The following ZNF708 variants were observed in gnomAD, a reference collection of about 807,000 sequenced individuals.
The protein encoded by ZNF708 is ZNF15, ZNF15L1.
In ZNF708, 44 loss-of-function variants were observed where a neutral mutation model predicts 47.0. That is an observed-to-expected ratio of 0.94 (90% confidence interval 0.74 to 1.20). ZNF708 has a LOEUF of 1.20. Ranked by LOEUF, ZNF708 falls within the 50% of genes most tolerant of loss-of-function variation. The pLI, the probability that ZNF708 is intolerant of heterozygous loss-of-function variation, is 0.00. For missense variants in ZNF708, 557 were observed against 656.0 expected (o/e 0.85, Z 1.65); for synonymous variants, 184 against 218.5 (o/e 0.84, Z 1.39).
intron 1 of ZNF708, among the ~76,000 whole-genome samples, chr19:21,328,997 A>C (rs1973317432): frequency 6.6e-6 from 1 of 152,196 alleles, no homozygotes. Context: ...GGGCACAGTC[A>C]CTGCGCAGGG....
At position 21,315,320 on chromosome 19, in the gene ZNF708, G is replaced by A. The variant is rs149834297; in HGVS notation, c.4-4693C>T. Among the ~76,000 whole-genome samples, 16 of 152,216 alleles carry A rather than the reference G, an allele frequency of 1.1e-4. 1 individual carries two copies. Among genetic ancestry groups the A allele is most frequent in the Admixed American group, 9.2e-4 (14 of 15,284 alleles). ...ACAGTGCAGAAAATGCCTTCTATTG[G>A]TTTTCAGTACATTCCCAATTCAAAG... is the stretch of plus-strand genomic sequence containing the variant. On this transcript the variant is annotated intron_variant, in intron 1 of 3. Transcript: ENST00000356929.
chr19:21,307,163 A>T (rs199825579), intron 3 of ZNF708, among the ~76,000 whole-genome samples: 2 of 94,718 alleles, frequency 2.1e-5, no homozygotes, highest in Non-Finnish European at 4.6e-5. Flanking sequence ...TATAATATAA[A>T]ATAAAATAAA....
At chr19:21,315,145 T>G (rs1254613330) in intron 1 of ZNF708, among the ~76,000 whole-genome samples, 2 of 152,230 alleles carry the variant, frequency 1.3e-5, no homozygotes, top group African/African-American at 4.8e-5. Flanking sequence ...TTTATTTATA[T>G]TTACAGAATT....
chr19:21,321,703 GA>G (rs1331375780), intron 1 of ZNF708, among the ~76,000 whole-genome samples: 20 of 145,132 alleles, frequency 1.4e-4, no homozygotes, highest in Admixed American at 1.4e-4. Flanking sequence ...AAGAAAGAAA[GA>G]AAGGAAGGAA....
intron 3 of ZNF708, among the ~76,000 whole-genome samples, chr19:21,300,803 G>C (rs1314616513): frequency 6.6e-6 from 1 of 151,816 alleles, no homozygotes; most frequent in African/African-American, 2.4e-5. Context: ...TGAGACTACA[G>C]GCACCCACCA....
Position 21,293,706 on chromosome 19 carries a change from G to A in ZNF708, c.1260C>T (p.Tyr420=), listed in dbSNP as rs1438851206. Residue 420 remains tyrosine (Y), a synonymous_variant, in exon 4 of 4, where the codon TAC becomes TAT. Coordinates refer to ENST00000356929, the MANE Select transcript of ZNF708 (RefSeq NM_021269.3). ...HKVIHTGKKP[Y]KCEECGKAFS... ...AGGCTTTACCACATTCTTCACATTT[G>A]TAGGGTTTCTTTCCAGTATGAATTA... The A allele has an allele frequency of 6.2e-7, 1 of 1,613,026 alleles. No individual in the cohort carries two copies. The highest frequency in any genetic ancestry group is 1.3e-5 in the African/African-American group (1 of 74,846).
chr19:21,316,133 C>CTTTT lies in ZNF708; in HGVS notation c.4-5510_4-5507dup, dbSNP rs544312163. On this transcript the variant is annotated intron_variant, in intron 1 of 3. Transcript: ENST00000356929. The stretch of plus-strand genomic sequence containing the variant: ...TTTCTTTTCTTTTCTTTTCTTTTTT[C>CTTTT]TTTTTTTTTTTTTTTTTGAGACAGG... Among the ~76,000 whole-genome samples, 14 of 105,502 alleles carry CTTTT rather than the reference C, an allele frequency of 1.3e-4. 1 individual carries two copies. Among genetic ancestry groups the CTTTT allele is most frequent in the East Asian group, 6.1e-4 (2 of 3,272 alleles). 69.2% of individuals were successfully genotyped at this position (105,502 alleles called of 152,430 possible). A position where few individuals can be genotyped will look rare whatever the true frequency, so the allele number is the denominator to read the frequency against.
At chr19:21,323,158 T>C (rs556176300) in intron 1 of ZNF708, among the ~76,000 whole-genome samples, 1 of 152,300 alleles carries the variant, frequency 6.6e-6, no homozygotes, top group Non-Finnish European at 1.5e-5. Context: ...AAATTCTTCA[T>C]TGTTTGTGTT....
Position 21,294,386 on chromosome 19 carries a change from T to C in ZNF708, c.580A>G (p.Lys194Glu). ...TQHEIIHTGE[K>E]PYKCEECGKA... ...CCACATTCTTCACATTTGTAGGGTT[T>C]TTCTCCAGTATGAATTATCTCATGT... The change falls in exon 4 of 4, where the codon AAA becomes GAA. Residue 194 changes from lysine to glutamate, a missense_variant. By Grantham distance (56) the Lys-to-Glu change is moderately conservative (BLOSUM62 1). Transcript: ENST00000356929. 2 of 1,614,098 alleles carry C rather than the reference T, an allele frequency of 1.2e-6. No individual in the cohort carries two copies. The highest frequency in any genetic ancestry group is 1.7e-6 in the Non-Finnish European group (2 of 1,179,986).
chr19:21,307,145 A>C (rs1442539412), intron 3 of ZNF708, among the ~76,000 whole-genome samples: 1 of 139,760 alleles, frequency 7.2e-6, no homozygotes, highest in South Asian at 2.3e-4. Flanking sequence ...AAATAAAATA[A>C]AATAAAATAT....
chr19:21,316,241 C>T (rs1036915371), intron 1 of ZNF708, among the ~76,000 whole-genome samples: 1 of 149,562 alleles, frequency 6.7e-6, no homozygotes, highest in African/African-American at 2.5e-5. Context: ...TCTCCTGCCT[C>T]AGCCTCCCGA....
rs1378894808 is a variant in ZNF708 at position 21,292,398 on chromosome 19, A to G, written c.*876T>C. Reference sequence around the variant, plus strand: ...GACTTATTTTGGATTAAATGTTTTAAATATATACTGCATCTGCAAAAATAT... The same window carrying G: ...GACTTATTTTGGATTAAATGTTTTAGATATATACTGCATCTGCAAAAATAT... On this transcript the variant is annotated 3_prime_UTR_variant, in exon 4 of 4. Transcript: ENST00000356929. 6.6e-6 allele frequency: 1 copy of G among 152,194 alleles called. No individual in the cohort carries two copies. The highest frequency in any genetic ancestry group is 6.5e-5 in the Admixed American group (1 of 15,268). The allele number at this position is 152,194 out of a possible 1,614,324, so 9.4% of individuals were successfully genotyped here.
At chr19:21,296,171 G>GAA (rs879585748) in intron 3 of ZNF708, among the ~76,000 whole-genome samples, 2 of 144,238 alleles carry the variant, frequency 1.4e-5, no homozygotes, top group African/African-American at 5.0e-5. Flanking sequence ...AAGTCCTGGG[G>GAA]AAAAAAAAAA....
chr19:21,299,263 G>A (rs1339115643), intron 3 of ZNF708, among the ~76,000 whole-genome samples: 1 of 152,016 alleles, frequency 6.6e-6, no homozygotes, highest in African/African-American at 2.4e-5. Flanking sequence ...CTAAGGCAGA[G>A]AATTGCTTGA....
chr19:21,300,247 C>T lies in ZNF708; in HGVS notation c.227-5508G>A, dbSNP rs533750216. On this transcript the variant is annotated intron_variant, in intron 3 of 3. Transcript: ENST00000356929. ...AAAAAATGCTGGGCACGGTGGCTCA[C>T]GCCTGTAATCCCAGCACTTTGGGAG... is the stretch of plus-strand genomic sequence containing the variant. 6.0e-5 allele frequency among the ~76,000 whole-genome samples: 9 copies of T among 150,424 alleles called. No homozygotes were observed. The South Asian group carries it at 8.4e-4, about 14-fold the overall frequency.
In ZNF708 at chr19:21,293,543, G is replaced by A. The variant is rs1297828389; in HGVS notation, c.1423C>T (p.Pro475Ser). ...TTGCCACATTCTTCACACTTATAGG[G>A]TTTCTCTCCAGTATGAATTTTTTTA... The part of the protein sequence containing the change: ...NHKKIHTGEK[P>S]YKCEECGKSF... Residue 475 changes from proline to serine, a missense_variant, in exon 4 of 4, where the codon CCC becomes TCC. By Grantham distance (74) the Pro-to-Ser change is moderately conservative. Transcript: ENST00000356929. The A allele has an allele frequency of 1.3e-5, 21 of 1,613,066 alleles. No homozygotes were observed. The highest frequency in any genetic ancestry group is 1.6e-5 in the Non-Finnish European group (19 of 1,179,760).
intron 3 of ZNF708, among the ~76,000 whole-genome samples, chr19:21,306,583 A>T (rs1972768182): frequency 6.6e-6 from 1 of 152,212 alleles, no homozygotes; most frequent in Admixed American, 6.6e-5. Flanking sequence ...ATCTGTTGAT[A>T]ATGCAATGAA....
intron 3 of ZNF708, among the ~76,000 whole-genome samples, chr19:21,300,590 A>C (rs529179574): frequency 1.3e-4 from 20 of 152,078 alleles, no homozygotes; most frequent in African/African-American, 4.8e-4. Context: ...TGGCTGATTC[A>C]TATTTAATTT....
rs369697202 is a variant in ZNF708 at position 21,323,988 on chromosome 19, C to G, written c.3+5222G>C. The stretch of plus-strand genomic sequence containing the variant: ...GGCGCAGTGGCTCACGCCTGTAATC[C>G]CAACACTTTGGGAGGCTGAGGCGGG... On this transcript the variant is annotated intron_variant, in intron 1 of 3. Coordinates refer to ENST00000356929, the MANE Select transcript of ZNF708 (RefSeq NM_021269.3). Among the ~76,000 whole-genome samples, 22 of 152,224 alleles carry G rather than the reference C, an allele frequency of 1.4e-4. No individual in the cohort carries two copies. The East Asian group carries it at 3.9e-3, about 27-fold the overall frequency.
Sources: gnomAD v4.1 joint callset for allele counts (sites outside exome capture counted in the v4.1 genomes callset) on GRCh38, gnomAD v4.1.1 for gene constraint, MANE v1.5 for transcripts, NCBI Gene and HGNC (gene_info 2026-07-23, HGNC 2026-07-21) for gene names.